VWC2L: variants seen among roughly 807,000 people sequenced by gnomAD.
The protein encoded by VWC2L is von Willebrand factor C domain-containing protein 2-like.
VWC2L carries 10 observed loss-of-function variants against 21.6 expected under a neutral mutation model. The observed-to-expected ratio is 0.46, with a 90% confidence interval of 0.29 to 0.78. The LOEUF (loss-of-function observed/expected upper bound fraction) is 0.78, where lower values mean the gene tolerates loss of function less well. Among genes scored for constraint, VWC2L ranks in the 30% least tolerant of loss-of-function variants. The probability of loss-of-function intolerance (pLI) is 0.10; values close to 1 mark genes in which losing one functional copy is unlikely to be tolerated. For synonymous variants in VWC2L, 96 were observed against 94.3 expected, an observed-to-expected ratio of 1.02 and a Z score of -0.10; for missense variants, 209 against 277.1, an observed-to-expected ratio of 0.75 and a Z score of 1.74.
chr2:214,472,581 T>G (rs1056516024), intron 3 of VWC2L, among the ~76,000 whole-genome samples: 3 of 152,182 alleles, frequency 2.0e-5, no homozygotes, highest in Non-Finnish European at 2.9e-5. Flanking sequence ...AGAACCACCT[T>G]TGAATACAAG....
chr2:214,523,333 T>C (rs1689274218), intron 3 of VWC2L, among the ~76,000 whole-genome samples: 1 of 152,230 alleles, frequency 6.6e-6, no homozygotes, highest in Non-Finnish European at 1.5e-5. Context: ...CATTTTGCTT[T>C]TCCCCATTTT....
rs369431645 is a variant in VWC2L at position 214,526,976 on chromosome 2, A to G, written c.521-48696A>G. ...CAACCTAGGTATCCATCAACAGTGG[A>G]TTGGATAAAGAAAATATGACACATG... On this transcript the variant is annotated intron_variant, in intron 3 of 3. Coordinates refer to ENST00000312504, the MANE Select transcript of VWC2L (RefSeq NM_001080500.4). 5.9e-5 allele frequency among the ~76,000 whole-genome samples: 9 copies of G among 152,320 alleles called. No individual in the cohort carries two copies. The East Asian group carries it at 7.7e-4, about 13-fold the overall frequency.
At chr2:214,541,956 A>G (rs1689635230) in intron 3 of VWC2L, among the ~76,000 whole-genome samples, 1 of 151,816 alleles carries the variant, frequency 6.6e-6, no homozygotes. Context: ...CTAATTCAGA[A>G]TAATAAACAG....
chr2:214,486,041 G>C (rs190154020), intron 3 of VWC2L, among the ~76,000 whole-genome samples: 32 of 151,418 alleles, frequency 2.1e-4, no homozygotes, highest in Non-Finnish European at 4.3e-4. Context: ...TTTTCTTCCT[G>C]TGTCATGTAA....
chr2:214,514,343 G>A (rs375147697), intron 3 of VWC2L, among the ~76,000 whole-genome samples: 76 of 151,340 alleles, frequency 5.0e-4, no homozygotes, highest in Admixed American at 1.7e-3. Flanking sequence ...ACTTTTTTTC[G>A]TTCTTAACAT....
chr2:214,578,014 A>C lies in VWC2L; in HGVS notation c.*2194A>C, dbSNP rs1690260008. ...GCAATGCTGCATGATTTATGTCTGCACTCAAAAGTAAAGGAATTCCACACT... is the reference window on the plus strand; with the variant it reads ...GCAATGCTGCATGATTTATGTCTGCCCTCAAAAGTAAAGGAATTCCACACT... On this transcript the variant is annotated 3_prime_UTR_variant, in exon 4 of 4. Transcript: ENST00000312504. 6.6e-6 allele frequency: 1 copy of C among 152,148 alleles called. No individual in the cohort carries two copies. Among genetic ancestry groups the C allele is most frequent in the Non-Finnish European group, 1.5e-5 (1 of 68,030 alleles). The allele number at this position is 152,148 out of a possible 1,614,324, so 9.4% of individuals were successfully genotyped here.
At position 214,416,582 on chromosome 2, in the gene VWC2L, T is replaced by C. The variant is rs531393183; in HGVS notation, c.390+1999T>C. On this transcript the variant is annotated intron_variant, in intron 2 of 3. Coordinates refer to ENST00000312504, the MANE Select transcript of VWC2L (RefSeq NM_001080500.4). ...AGACCAAAAAAGTATAAATTACTTATCCAAAATTGTCAAGTTATTTATCTT... is the reference window on the plus strand; with the variant it reads ...AGACCAAAAAAGTATAAATTACTTACCCAAAATTGTCAAGTTATTTATCTT... Among the ~76,000 whole-genome samples the C allele has an allele frequency of 1.1e-3, 171 of 152,184 alleles. 1 individual carries two copies. The highest frequency in any genetic ancestry group is 3.5e-3 in the African/African-American group (144 of 41,576).
chr2:214,513,100 G>A (rs181503080), intron 3 of VWC2L, among the ~76,000 whole-genome samples: 63 of 152,192 alleles, frequency 4.1e-4, no homozygotes, highest in Non-Finnish European at 6.9e-4. Context: ...AAAGATTATC[G>A]CACAGCTACA....
At chr2:214,518,161 G>A (rs1689175000) in intron 3 of VWC2L, among the ~76,000 whole-genome samples, 1 of 69,240 alleles carries the variant, frequency 1.4e-5, no homozygotes, top group Non-Finnish European at 3.8e-5. Flanking sequence ...GCAAGACTCT[G>A]TCTCAAAAAA....
chr2:214,494,372 C>A (rs1688784124), intron 3 of VWC2L, among the ~76,000 whole-genome samples: 1 of 152,150 alleles, frequency 6.6e-6, no homozygotes, highest in Non-Finnish European at 1.5e-5. Context: ...GAGTACAAGA[C>A]TATTAGAATT....
intron 3 of VWC2L, 130 bp downstream of exon 3, chr2:214,436,888 G>A (rs921975171): frequency 2.8e-6 from 3 of 1,065,740 alleles, no homozygotes; most frequent in Non-Finnish European, 2.7e-6. Context: ...CATGGCGGAT[G>A]TATATTTTTA....
intron 3 of VWC2L, among the ~76,000 whole-genome samples, chr2:214,568,901 T>C (rs1300522683): frequency 2.6e-5 from 4 of 152,168 alleles, no homozygotes; most frequent in African/African-American, 7.2e-5. Flanking sequence ...CCTGGTCTCC[T>C]AAGGGACCCC....
chr2:214,501,290 A>G (rs563413636), intron 3 of VWC2L, among the ~76,000 whole-genome samples: 3 of 152,118 alleles, frequency 2.0e-5, no homozygotes, highest in African/African-American at 4.8e-5. Context: ...TACCACCTGG[A>G]AAGAAACCTG....
intron 3 of VWC2L, among the ~76,000 whole-genome samples, chr2:214,564,415 A>T (rs1432371851): frequency 1.3e-5 from 2 of 152,324 alleles, no homozygotes; most frequent in East Asian, 3.9e-4. Flanking sequence ...TGGACTTCAA[A>T]CTATACTACA....
At chr2:214,461,638 G>A (rs1458351381) in intron 3 of VWC2L, among the ~76,000 whole-genome samples, 1 of 152,094 alleles carries the variant, frequency 6.6e-6, no homozygotes, top group African/African-American at 2.4e-5. Flanking sequence ...ACAGGTCCTG[G>A]GGCAGTATGC....
chr2:214,413,489 T>C (rs1188138308), intron 1 of VWC2L, among the ~76,000 whole-genome samples: 1 of 152,168 alleles, frequency 6.6e-6, no homozygotes, highest in African/African-American at 2.4e-5. Context: ...GTTATGTTGT[T>C]TTTGTTATCA....
chr2:214,460,427 T>C (rs2126188327), intron 3 of VWC2L, among the ~76,000 whole-genome samples: 1 of 152,324 alleles, frequency 6.6e-6, no homozygotes, highest in East Asian at 1.9e-4. Flanking sequence ...GTACTCTATA[T>C]GTAATGTAGG....
chr2:214,417,153 T>TATA, intron 2 of VWC2L, among the ~76,000 whole-genome samples: 1 of 152,168 alleles, frequency 6.6e-6, no homozygotes. Context: ...AAAACTTTCA[T>TATA]ATAATAATGT....
intron 3 of VWC2L, among the ~76,000 whole-genome samples, chr2:214,492,716 C>T (rs1437476751): frequency 6.6e-6 from 1 of 152,108 alleles, no homozygotes; most frequent in Non-Finnish European, 1.5e-5. Context: ...TAACTTTAAA[C>T]AATCATTTTT....
Sources: allele counts gnomAD v4.1 joint callset (sites outside exome capture counted in the v4.1 genomes callset), GRCh38; gene constraint gnomAD v4.1.1; transcripts MANE v1.5; gene names NCBI Gene and HGNC (gene_info 2026-07-23, HGNC 2026-07-21).